Variants in FLRT2 observed in about 807,000 individuals in gnomAD.
FLRT2 encodes the protein leucine-rich repeat transmembrane protein FLRT2.
A neutral mutation model predicts 40.0 loss-of-function variants in FLRT2; 15 were observed. The ratio of observed to expected loss-of-function variants is 0.38; its 90% confidence interval spans 0.25 to 0.58. The LOEUF is 0.58. Ranked by LOEUF, FLRT2 falls within the 20% of genes least tolerant of loss-of-function variation. The probability of loss-of-function intolerance (pLI) is 0.71; values close to 1 mark genes in which losing one functional copy is unlikely to be tolerated. For synonymous variants in FLRT2, 380 were observed against 336.8 expected, an observed-to-expected ratio of 1.13 and a Z score of -1.41; for missense variants, 726 against 840.0, an observed-to-expected ratio of 0.86 and a Z score of 1.68.
intron 1 of FLRT2, among the ~76,000 whole-genome samples, chr14:85,553,644 A>T (rs1047834167): frequency 1.3e-5 from 2 of 152,200 alleles, no homozygotes; most frequent in Non-Finnish European, 2.9e-5. Context: ...CTGATTAGTT[A>T]TCAAGTCAGG....
intron 1 of FLRT2, among the ~76,000 whole-genome samples, chr14:85,616,378 A>G (rs1373234302): frequency 1.3e-5 from 2 of 152,032 alleles, no homozygotes; most frequent in African/African-American, 4.8e-5. Context: ...TAAAGCAACT[A>G]TTTTTATCAC....
intron 1 of FLRT2, among the ~76,000 whole-genome samples, chr14:85,538,256 G>A (rs1452792719): frequency 1.3e-5 from 2 of 152,118 alleles, no homozygotes; most frequent in South Asian, 2.1e-4. Context: ...GAAGGTCAAA[G>A]AAAATATTCT....
At chr14:85,579,948 T>TTTTA (rs1555367930) in intron 1 of FLRT2, among the ~76,000 whole-genome samples, 2 of 149,968 alleles carry the variant, frequency 1.3e-5, no homozygotes, top group East Asian at 2.0e-4. Flanking sequence ...TTTTTTTTTT[T>TTTTA]AAATAAGTGG....
At chr14:85,560,081 TC>T (rs1337553329) in intron 1 of FLRT2, among the ~76,000 whole-genome samples, 1 of 152,200 alleles carries the variant, frequency 6.6e-6, no homozygotes, top group Non-Finnish European at 1.5e-5. Context: ...ACCTTGTCTG[TC>T]CCAGCTCTGA....
chr14:85,556,124 A>G (rs935886698), intron 1 of FLRT2, among the ~76,000 whole-genome samples: 2 of 152,204 alleles, frequency 1.3e-5, no homozygotes, highest in South Asian at 4.1e-4. Context: ...CTTCAATGCA[A>G]TAATAATAAG....
At position 85,652,707 on chromosome 14, in the gene FLRT2, G is replaced by C. The variant is rs1439165124; in HGVS notation, c.*29210G>C. ...CACAGTAAGTTATATCAATTAAGTT[G>C]CTTAGAATGAACATATAGCTGAACT... On this transcript the variant is annotated 3_prime_UTR_variant, in exon 2 of 2. Coordinates refer to ENST00000330753, the MANE Select transcript of FLRT2 (RefSeq NM_013231.6). 6.6e-6 allele frequency: 1 copy of C among 152,086 alleles called. No homozygotes were observed. Among genetic ancestry groups the C allele is most frequent in the Non-Finnish European group, 1.5e-5 (1 of 68,008 alleles). 9.4% of individuals were successfully genotyped at this position (152,086 alleles called of 1,614,324 possible).
intron 1 of FLRT2, among the ~76,000 whole-genome samples, chr14:85,592,415 G>A (rs550159509): frequency 1.3e-5 from 2 of 152,100 alleles, no homozygotes; most frequent in East Asian, 3.9e-4. Flanking sequence ...CATCCTGTTT[G>A]GTGGTAAATA....
intron 1 of FLRT2, among the ~76,000 whole-genome samples, chr14:85,550,022 A>G (rs747650749): frequency 3.6e-5 from 5 of 138,708 alleles, no homozygotes; most frequent in Non-Finnish European, 4.7e-5. Context: ...GAACTCTTAC[A>G]ACCACTTATT....
chr14:85,560,404 G>A (rs979742233), intron 1 of FLRT2, among the ~76,000 whole-genome samples: 7 of 151,800 alleles, frequency 4.6e-5, no homozygotes, highest in Non-Finnish European at 7.4e-5. Flanking sequence ...GTGAAACCCC[G>A]TCTCTACTAA....
At chr14:85,575,799 T>C (rs1234263632) in intron 1 of FLRT2, among the ~76,000 whole-genome samples, 3 of 152,232 alleles carry the variant, frequency 2.0e-5, no homozygotes, top group Non-Finnish European at 4.4e-5. Context: ...AGCCCTAGTC[T>C]ACAGCTAAAT....
chr14:85,531,509 G>T (rs774099232), intron 1 of FLRT2, among the ~76,000 whole-genome samples: 5 of 152,100 alleles, frequency 3.3e-5, no homozygotes, highest in Non-Finnish European at 4.4e-5. Context: ...ACTGACAACG[G>T]GAATGAAGCC....
chr14:85,632,929 C>T lies in FLRT2; in HGVS notation c.*9432C>T, dbSNP rs1297295102. The T allele has an allele frequency of 6.6e-6, 1 of 152,198 alleles. No individual in the cohort carries two copies. The highest frequency in any genetic ancestry group is 1.5e-5 in the Non-Finnish European group (1 of 68,040). The allele number at this position is 152,198 out of a possible 1,614,324, so 9.4% of individuals were successfully genotyped here. On this transcript the variant is annotated 3_prime_UTR_variant, in exon 2 of 2. Transcript: ENST00000330753. ...AAAATGGGGACAATGATGTCTAACA[C>T]ATATGGTGGTTGTCAGAATTAAAGG...
chr14:85,620,796 A>G (rs1039561919), intron 1 of FLRT2, among the ~76,000 whole-genome samples: 3 of 152,168 alleles, frequency 2.0e-5, no homozygotes, highest in Non-Finnish European at 4.4e-5. Flanking sequence ...TCATTAACTG[A>G]TTGAGTGGAT....
chr14:85,553,466 T>G (rs1889766075), intron 1 of FLRT2, among the ~76,000 whole-genome samples: 1 of 152,142 alleles, frequency 6.6e-6, no homozygotes, highest in Non-Finnish European at 1.5e-5. Context: ...TGATAGCTGA[T>G]GAGCTAGAAA....
intron 1 of FLRT2, among the ~76,000 whole-genome samples, chr14:85,576,010 GA>G (rs1426488809): frequency 6.6e-6 from 1 of 152,152 alleles, no homozygotes; most frequent in Non-Finnish European, 1.5e-5. Flanking sequence ...GTATATTCTA[GA>G]ATTAGAAAGG....
intron 1 of FLRT2, chr14:85,552,993 A>T (rs1185389047): frequency 1.3e-5 from 2 of 152,214 alleles, no homozygotes; most frequent in African/African-American, 4.8e-5. Flanking sequence ...TACAACTCCT[A>T]CATTGAATTT....
At chr14:85,601,565 G>T (rs942608182) in intron 1 of FLRT2, among the ~76,000 whole-genome samples, 2 of 152,132 alleles carry the variant, frequency 1.3e-5, no homozygotes, top group Admixed American at 1.3e-4. Context: ...ATAGGAAAAA[G>T]CACAACTCTG....
At chr14:85,532,220 T>A (rs1431518329) in intron 1 of FLRT2, among the ~76,000 whole-genome samples, 1 of 152,068 alleles carries the variant, frequency 6.6e-6, no homozygotes, top group Non-Finnish European at 1.5e-5. Context: ...CCTGGGCTAG[T>A]TTTAAACTCT....
In FLRT2 at chr14:85,649,150, G is replaced by A. The variant is rs1894374596; in HGVS notation, c.*25653G>A. 6.6e-6 allele frequency: 1 copy of A among 152,030 alleles called. No homozygotes were observed. The highest frequency in any genetic ancestry group is 2.4e-5 in the African/African-American group (1 of 41,412). The allele number at this position is 152,030 out of a possible 1,614,324, so 9.4% of individuals were successfully genotyped here. A position where few individuals can be genotyped will look rare whatever the true frequency, so the allele number is the denominator to read the frequency against. ...CATATATGTAAAAATATACCTTTTA[G>A]AAATGATTTTAGAATCTGGAAATTT... On this transcript the variant is annotated 3_prime_UTR_variant, in exon 2 of 2. Transcript: ENST00000330753.
Sources: allele counts gnomAD v4.1 joint callset (sites outside exome capture counted in the v4.1 genomes callset), GRCh38; gene constraint gnomAD v4.1.1; transcripts MANE v1.5; gene names NCBI Gene and HGNC (gene_info 2026-07-23, HGNC 2026-07-21).